The following PHACTR1 variants were observed in gnomAD, a reference collection of about 807,000 sequenced individuals.
PHACTR1 encodes phosphatase and actin regulator 1.
In PHACTR1, 16 loss-of-function variants were observed where a neutral mutation model predicts 69.2. The observed-to-expected ratio is 0.23, with a 90% CI of 0.16 to 0.35. The LOEUF is 0.35. Among genes scored for constraint, PHACTR1 ranks in the 10% least tolerant of loss-of-function variants. The pLI is 1.00. For missense variants in PHACTR1, 510 were observed against 734.7 expected (o/e 0.69, Z 3.54); for synonymous variants, 312 against 284.5 (o/e 1.10, Z -0.97).
At chr6:13,204,984 T>C (rs1765697960) in intron 7 of PHACTR1, among the ~76,000 whole-genome samples, 1 of 152,222 alleles carries the variant, frequency 6.6e-6, no homozygotes, top group African/African-American at 2.4e-5. Flanking sequence ...TATTGTAGAC[T>C]AGCATGTCTT....
At chr6:12,987,986 G>T (rs1009945748) in intron 4 of PHACTR1, among the ~76,000 whole-genome samples, 16 of 152,126 alleles carry the variant, frequency 1.1e-4, no homozygotes, top group Non-Finnish European at 2.2e-4. Context: ...TCCTGCTGGG[G>T]CCCCTTGGCA....
intron 5 of PHACTR1, among the ~76,000 whole-genome samples, chr6:13,099,799 AGTTT>A (rs1459336543): frequency 6.6e-6 from 1 of 152,246 alleles, no homozygotes; most frequent in Non-Finnish European, 1.5e-5. Context: ...GATTGTTTAT[AGTTT>A]GTTTGCTTGT....
intron 4 of PHACTR1, among the ~76,000 whole-genome samples, chr6:13,041,115 T>C (rs568771027): frequency 6.6e-6 from 1 of 152,066 alleles, no homozygotes; most frequent in Non-Finnish European, 1.5e-5. Context: ...ACATCTTTCA[T>C]GCAGAAGAAT....
chr6:12,749,687 A>T lies in PHACTR1; in HGVS notation c.147A>T (p.Ala49=). The T allele has an allele frequency of 6.2e-7, 1 of 1,611,320 alleles. No homozygotes were observed. The highest frequency in any genetic ancestry group is 8.5e-7 in the Non-Finnish European group (1 of 1,179,366). The change falls in exon 4 of 15, where the codon GCA becomes GCT. Residue 49 remains alanine (A), a synonymous_variant. Coordinates refer to ENST00000332995, the MANE Select transcript of PHACTR1 (RefSeq NM_030948.6). ...TCCTGCCTCCCACATTAATGGCGGC[A>T]TCCTCGGAGGATGATATAGACCGGC... The part of the protein sequence containing the change: ...TLLLPPTLMA[A]SSEDDIDRRP...
At chr6:12,907,746 G>T (rs1785900139) in intron 4 of PHACTR1, among the ~76,000 whole-genome samples, 1 of 1,422 alleles carries the variant, frequency 7.0e-4, no homozygotes, top group South Asian at 0.028. Flanking sequence ...GAGGCAAAGG[G>T]GTTAAATAAG....
chr6:13,286,203 T>C lies in PHACTR1; in HGVS notation c.1708T>C (p.Leu570=), dbSNP rs1328739771. Residue 570 remains leucine (L), a synonymous_variant, in exon 14 of 15, where the codon TTG becomes CTG. Coordinates refer to ENST00000332995, the MANE Select transcript of PHACTR1 (RefSeq NM_030948.6). ...FKSTEMEVHE[L]SRHLTRFHRP ...AAGCACTGAGATGGAAGTTCATGAA[T>C]TGAGTAGACACTTAACAAGGTTAGT... 2.5e-6 allele frequency: 4 copies of C among 1,604,808 alleles called. No homozygotes were observed. In the South Asian group the frequency reaches 3.4e-5, roughly 14 times the overall value.
intron 4 of PHACTR1, among the ~76,000 whole-genome samples, chr6:12,831,981 A>G (rs1287083779): frequency 6.6e-6 from 1 of 152,146 alleles, no homozygotes; most frequent in Non-Finnish European, 1.5e-5. Context: ...CGGTACATCC[A>G]TCTGTAGTCA....
intron 4 of PHACTR1, among the ~76,000 whole-genome samples, chr6:12,811,910 TCATGGTC>T (rs1211602305): frequency 6.6e-6 from 1 of 152,152 alleles, no homozygotes; most frequent in African/African-American, 2.4e-5. Flanking sequence ...TCAAAGAGAT[TCATGGTC>T]CTTTGTTTTT....
intron 6 of PHACTR1, 134 bp from the exon 7 acceptor site, chr6:13,182,385 C>A: frequency 9.7e-7 from 1 of 1,033,792 alleles, no homozygotes; most frequent in Non-Finnish European, 1.5e-6. Context: ...GTCTTAAAAG[C>A]AAAATAACAG....
At chr6:13,113,565 A>G (rs938894831) in intron 5 of PHACTR1, among the ~76,000 whole-genome samples, 9 of 152,214 alleles carry the variant, frequency 5.9e-5, no homozygotes, top group African/African-American at 1.7e-4. Flanking sequence ...GCTCATGATT[A>G]ACAACCAATG....
intron 4 of PHACTR1, among the ~76,000 whole-genome samples, chr6:13,019,025 T>C (rs151046897): frequency 9.1e-4 from 137 of 151,204 alleles, no homozygotes; most frequent in Non-Finnish European, 1.7e-3. Context: ...TGTATATATA[T>C]ACATATATTT....
Position 13,160,056 on chromosome 6 carries a change from G to A in PHACTR1, c.416-148G>A, listed in dbSNP as rs560098260. On this transcript the variant is annotated intron_variant, in intron 5 of 14. Coordinates refer to ENST00000332995, the MANE Select transcript of PHACTR1 (RefSeq NM_030948.6). Reference sequence around the variant, plus strand: ...ATGATAGTATCAAAACATATTAACTGGTATGTCTCATTAGCTCACATTAGC... The same window carrying A: ...ATGATAGTATCAAAACATATTAACTAGTATGTCTCATTAGCTCACATTAGC... 6.1e-6 allele frequency: 4 copies of A among 654,648 alleles called. No individual in the cohort carries two copies. The African/African-American group carries it at 7.2e-5, about 12-fold the overall frequency. 40.6% of individuals were successfully genotyped at this position (654,648 alleles called of 1,614,324 possible).
intron 10 of PHACTR1, among the ~76,000 whole-genome samples, chr6:13,231,736 A>G (rs1771246790): frequency 6.6e-6 from 1 of 152,248 alleles, no homozygotes; most frequent in South Asian, 2.1e-4. Flanking sequence ...ATTTGTAATC[A>G]AGGGCATGTT....
At chr6:12,991,982 C>T (rs1403764491) in intron 4 of PHACTR1, among the ~76,000 whole-genome samples, 3 of 150,942 alleles carry the variant, frequency 2.0e-5, no homozygotes, top group African/African-American at 2.4e-5. Context: ...TTTCAAAATC[C>T]TAATTAGTAT....
intron 4 of PHACTR1, among the ~76,000 whole-genome samples, chr6:12,861,738 A>G (rs1780961416): frequency 6.6e-6 from 1 of 152,248 alleles, no homozygotes; most frequent in East Asian, 1.9e-4. Flanking sequence ...AATACTATGT[A>G]GGACATCTAA....
At chr6:13,026,478 A>G (rs560030915) in intron 4 of PHACTR1, among the ~76,000 whole-genome samples, 5 of 152,242 alleles carry the variant, frequency 3.3e-5, no homozygotes, top group African/African-American at 1.2e-4. Context: ...GAAAATATGT[A>G]GGAGGTATCT....
chr6:13,185,828 T>C (rs181953024), intron 7 of PHACTR1, among the ~76,000 whole-genome samples: 87 of 152,342 alleles, frequency 5.7e-4, no homozygotes, highest in Non-Finnish European at 9.7e-4. Context: ...TTGTAACATT[T>C]TGTAACATGT....
At chr6:12,816,607 T>G (rs1775620595) in intron 4 of PHACTR1, among the ~76,000 whole-genome samples, 1 of 152,188 alleles carries the variant, frequency 6.6e-6, no homozygotes, top group South Asian at 2.1e-4. Context: ...TCTCCCAACT[T>G]TAGGGTATCA....
intron 3 of PHACTR1, among the ~76,000 whole-genome samples, chr6:12,726,023 T>C (rs1037176240): frequency 6.6e-6 from 1 of 152,042 alleles, no homozygotes; most frequent in African/African-American, 2.4e-5. Flanking sequence ...TAGTTGAAAA[T>C]GGAGCCTGCA....
Sources: gnomAD v4.1 joint callset for allele counts (sites outside exome capture counted in the v4.1 genomes callset) on GRCh38, gnomAD v4.1.1 for gene constraint, MANE v1.5 for transcripts, NCBI Gene and HGNC (gene_info 2026-07-23, HGNC 2026-07-21) for gene names.